The following FOXN3 variants were observed in gnomAD, a reference collection of about 807,000 sequenced individuals.
The protein encoded by FOXN3 is forkhead box protein N3.
In FOXN3, 7 loss-of-function variants were observed where a neutral mutation model predicts 38.4. The ratio of observed to expected loss-of-function variants is 0.18; its 90% CI spans 0.10 to 0.34. The LOEUF is 0.34. Among genes scored for constraint, FOXN3 ranks in the 10% least tolerant of loss-of-function variants. The pLI, the probability that FOXN3 is intolerant of heterozygous loss-of-function variation, is 1.00. For synonymous variants in FOXN3, 230 were observed against 242.2 expected, an observed-to-expected ratio of 0.95 and a Z score of 0.47; for missense variants, 456 against 613.4, an observed-to-expected ratio of 0.74 and a Z score of 2.71.
At chr14:89,524,300 G>A (rs112253496) in intron 1 of FOXN3, among the ~76,000 whole-genome samples, 3 of 138,436 alleles carry the variant, frequency 2.2e-5, no homozygotes, top group Non-Finnish European at 3.1e-5. Context: ...TGTGAAACCC[G>A]GGGGGCAGAG....
In FOXN3 at chr14:89,162,993, G is replaced by C; in HGVS notation, c.852-24C>G. On this transcript the variant is annotated intron_variant, in intron 5 of 5. Coordinates refer to ENST00000557258, the MANE Select transcript of FOXN3 (RefSeq NM_005197.4). The surrounding 1 kb of genome is among the most constrained non-coding windows in gnomAD (Gnocchi z 7.2). The stretch of plus-strand genomic sequence containing the variant: ...TCCTGCAGAGCGAGGACAGTGGGGA[G>C]GGACGGGAGACAAAGAAGGGACACA... 1 of 1,518,222 alleles carries C rather than the reference G, an allele frequency of 6.6e-7. No homozygotes were observed. Among genetic ancestry groups the C allele is most frequent in the Non-Finnish European group, 8.8e-7 (1 of 1,133,462 alleles). The allele number at this position is 1,518,222 out of a possible 1,614,324, so 94.0% of individuals were successfully genotyped here. A position where few individuals can be genotyped will look rare whatever the true frequency, so the allele number is the denominator to read the frequency against.
At chr14:89,309,044 A>G (rs150833539) in intron 3 of FOXN3, among the ~76,000 whole-genome samples, 334 of 152,310 alleles carry the variant, frequency 2.2e-3, no homozygotes, top group Non-Finnish European at 3.8e-3. Context: ...CTTGATGACT[A>G]TAAAACTGTC....
At chr14:89,347,560 C>A (rs927749606) in intron 3 of FOXN3, among the ~76,000 whole-genome samples, 58 of 152,218 alleles carry the variant, frequency 3.8e-4, no homozygotes, top group African/African-American at 1.4e-3. Context: ...GTACTCCACG[C>A]TGAGCTCTGC....
chr14:89,215,562 G>A (rs764987628), intron 4 of FOXN3, among the ~76,000 whole-genome samples: 8 of 152,108 alleles, frequency 5.3e-5, no homozygotes, highest in Admixed American at 1.3e-4. Context: ...AATTCTACCC[G>A]TTTAAAGAAG....
At chr14:89,618,192 G>A (rs188272272) in intron 1 of FOXN3, among the ~76,000 whole-genome samples, 1 of 152,232 alleles carries the variant, frequency 6.6e-6, no homozygotes, top group Non-Finnish European at 1.5e-5. Flanking sequence ...GCTAGCAAAT[G>A]TGTCACCTTA....
chr14:89,354,137 T>C (rs888711275), intron 2 of FOXN3, among the ~76,000 whole-genome samples: 2 of 152,182 alleles, frequency 1.3e-5, no homozygotes, highest in African/African-American at 4.8e-5. Flanking sequence ...ATTATAGTTG[T>C]GTAGTAAGTT....
intron 1 of FOXN3, among the ~76,000 whole-genome samples, chr14:89,521,327 G>A (rs7141329): frequency 0.027 from 4,059 of 150,954 alleles, 182 homozygotes; most frequent in African/African-American, 0.089. Flanking sequence ...AAAAGAGAGA[G>A]AGAGAATGAT....
intron 4 of FOXN3, among the ~76,000 whole-genome samples, chr14:89,190,079 C>G (rs1398522873): frequency 6.6e-6 from 1 of 152,196 alleles, no homozygotes; most frequent in Non-Finnish European, 1.5e-5. Context: ...ACAATACCTG[C>G]AGGAGCAAGG....
chr14:89,288,644 T>C (rs1886714602), intron 3 of FOXN3, among the ~76,000 whole-genome samples: 2 of 27,320 alleles, frequency 7.3e-5, no homozygotes, highest in Non-Finnish European at 2.3e-4. Context: ...AACGACATAC[T>C]CCAAAGGCTG....
At chr14:89,390,164 T>G (rs996337977) in intron 2 of FOXN3, among the ~76,000 whole-genome samples, 7 of 151,006 alleles carry the variant, frequency 4.6e-5, no homozygotes, top group African/African-American at 1.7e-4. Context: ...ACGTTGAGGC[T>G]GCTGTGAGCC....
chr14:89,327,782 G>A lies in FOXN3; in HGVS notation c.680+22890C>T, dbSNP rs190936336. 2.6e-5 allele frequency among the ~76,000 whole-genome samples: 4 copies of A among 152,302 alleles called. No homozygotes were observed. The East Asian group carries it at 7.7e-4, about 29-fold the overall frequency. The stretch of plus-strand genomic sequence containing the variant: ...CAATAAATCCTCCTCACAAAGGCTG[G>A]CTAATCTCGAAGTTTCCAGTCTTTA... On this transcript the variant is annotated intron_variant, in intron 3 of 5. Coordinates refer to ENST00000557258, the MANE Select transcript of FOXN3 (RefSeq NM_005197.4).
chr14:89,597,745 T>A (rs1317199656), intron 1 of FOXN3, among the ~76,000 whole-genome samples: 1 of 152,172 alleles, frequency 6.6e-6, no homozygotes, highest in Non-Finnish European at 1.5e-5. Flanking sequence ...TTCTTTGGGT[T>A]AGCTATACAA....
chr14:89,549,944 T>G (rs966560077), intron 1 of FOXN3, among the ~76,000 whole-genome samples: 7 of 152,216 alleles, frequency 4.6e-5, no homozygotes, highest in African/African-American at 1.4e-4. Flanking sequence ...CATTTCTTTC[T>G]GGCAGGCCGG....
At chr14:89,298,942 C>T (rs560114633) in intron 3 of FOXN3, among the ~76,000 whole-genome samples, 11 of 151,816 alleles carry the variant, frequency 7.2e-5, no homozygotes, top group Non-Finnish European at 1.5e-4. Context: ...AGGCCCATGC[C>T]CATTCCTTGA....
At chr14:89,382,258 C>G (rs1476452260) in intron 2 of FOXN3, among the ~76,000 whole-genome samples, 1 of 152,092 alleles carries the variant, frequency 6.6e-6, no homozygotes, top group Non-Finnish European at 1.5e-5. Context: ...CAACCTAATT[C>G]CATCCTTCAT....
intron 1 of FOXN3, among the ~76,000 whole-genome samples, chr14:89,488,621 T>C (rs1318850025): frequency 7.3e-6 from 1 of 137,790 alleles, no homozygotes; most frequent in Non-Finnish European, 1.6e-5. Context: ...CATTGCCCCA[T>C]CTCAAAAAAA....
At chr14:89,500,790 A>G (rs149542927) in intron 1 of FOXN3, among the ~76,000 whole-genome samples, 200 of 152,314 alleles carry the variant, frequency 1.3e-3, no homozygotes, top group African/African-American at 4.2e-3. Context: ...TCGTGCAGGC[A>G]TGGGAGTCAC....
chr14:89,345,379 AAGTTACAAAGATAGCACAGAAAGCTCCTG>A (rs1888732547), intron 3 of FOXN3, among the ~76,000 whole-genome samples: 1 of 152,022 alleles, frequency 6.6e-6, no homozygotes, highest in African/African-American at 2.4e-5. Flanking sequence ...AAGGAAAGAG[AAGTTACAAAGATAGCACAGAAAGCTCCTG>A]CATACCCCTC....
chr14:89,309,970 T>G (rs1310780696), intron 3 of FOXN3, among the ~76,000 whole-genome samples: 1 of 152,172 alleles, frequency 6.6e-6, no homozygotes, highest in Non-Finnish European at 1.5e-5. Context: ...TATGAACTCT[T>G]CTCTGTGTGA....
Sources: allele counts gnomAD v4.1 joint callset (sites outside exome capture counted in the v4.1 genomes callset), GRCh38; gene constraint gnomAD v4.1.1; non-coding constraint Gnocchi (gnomAD v3.1); transcripts MANE v1.5; gene names NCBI Gene and HGNC (gene_info 2026-07-23, HGNC 2026-07-21).